The following KRABD3 variants were observed in gnomAD, a reference collection of about 807,000 sequenced individuals.
The protein encoded by KRABD3 is KRAB domain containing 3, also known as KRAB domain-containing protein 3.
the KRABD3 span, chr7:149,730,465 T>TCTGTCCCC: frequency 6.2e-7 from 1 of 1,604,372 alleles, no homozygotes; most frequent in Non-Finnish European, 8.5e-7. Flanking sequence ...CTCCTGTCCC[T>TCTGTCCCC]CTGTCCCCAT....
the KRABD3 span, chr7:149,715,009 G>GCCCGCGCCAGA: frequency 8.2e-7 from 1 of 1,225,044 alleles, no homozygotes; most frequent in African/African-American, 1.6e-5. Flanking sequence ...CCCGCGCCAG[G>GCCCGCGCCAGA]GCCCGCGCCG....
the KRABD3 span, chr7:149,730,561 C>T: frequency 9.9e-6 from 16 of 1,611,556 alleles, no homozygotes; most frequent in African/African-American, 6.7e-5. Flanking sequence ...GCAGCGGCCT[C>T]GGTGCAGGTG....
the KRABD3 span, among the ~76,000 whole-genome samples, chr7:149,717,971 G>A: frequency 1.3e-5 from 2 of 152,088 alleles, no homozygotes. Context: ...GCTAATTTTT[G>A]TATTTTATTA....
At chr7:149,721,680 C>A in the KRABD3 span, 1 of 934,374 alleles carries the variant, frequency 1.1e-6, no homozygotes, top group Non-Finnish European at 1.7e-6. Context: ...ACAAAGTACG[C>A]CAGGGAGCAG....
chr7:149,721,573 T>G, the KRABD3 span: 1 of 1,602,390 alleles, frequency 6.2e-7, no homozygotes, highest in Middle Eastern at 1.7e-4. Flanking sequence ...GAACCAGCAT[T>G]TCAAAAGCCC....
the KRABD3 span, among the ~76,000 whole-genome samples, chr7:149,732,954 GC>G: frequency 4.3e-4 from 65 of 152,294 alleles, 1 homozygote; most frequent in Middle Eastern, 3.4e-3. The surrounding 1 kb of genome is among the most constrained non-coding windows in gnomAD (Gnocchi z 4.0). Context: ...GTTTAGGAAA[GC>G]CTGGTTACCA....
At chr7:149,733,808 G>T in the KRABD3 span, 2 of 1,604,014 alleles carry the variant, frequency 1.2e-6, no homozygotes, top group East Asian at 2.3e-5. Context: ...CCCCCTCCTC[G>T]CACATACCGG....
the KRABD3 span, among the ~76,000 whole-genome samples, chr7:149,720,411 C>A: frequency 6.6e-6 from 1 of 152,250 alleles, no homozygotes; most frequent in Admixed American, 6.5e-5. Context: ...CCTGCTCCAG[C>A]TCCCAAAAGT....
chr7:149,723,522 T>G, the KRABD3 span: 1 of 555,882 alleles, frequency 1.8e-6, no homozygotes. Flanking sequence ...GCCACTTGTC[T>G]GCCTGCAGGG....
At chr7:149,720,963 C>A in the KRABD3 span, 26 of 1,613,726 alleles carry the variant, frequency 1.6e-5, no homozygotes, top group Non-Finnish European at 2.2e-5. Flanking sequence ...GGGAGCCAGC[C>A]TGGATGGAGA....
chr7:149,715,102 T>A, the KRABD3 span: 1 of 1,230,758 alleles, frequency 8.1e-7, no homozygotes, highest in Non-Finnish European at 1.0e-6. Flanking sequence ...CTCGGCGCAG[T>A]GCGGCCCCGA....
the KRABD3 span, chr7:149,733,444 CA>C: frequency 6.3e-7 from 1 of 1,589,106 alleles, no homozygotes; most frequent in Non-Finnish European, 8.6e-7. Flanking sequence ...AAGTGGCCAC[CA>C]TGAGGACCCA....
the KRABD3 span, among the ~76,000 whole-genome samples, chr7:149,727,295 A>G: frequency 6.6e-6 from 1 of 152,202 alleles, no homozygotes; most frequent in Non-Finnish European, 1.5e-5. Flanking sequence ...GGGCCTGTAG[A>G]ACAGGCCTGG....
chr7:149,721,800 C>T, the KRABD3 span: 2 of 638,200 alleles, frequency 3.1e-6, no homozygotes, highest in Admixed American at 4.2e-5. Context: ...CACAGAAAGT[C>T]TCCGGCAGTT....
At chr7:149,733,365 A>C in the KRABD3 span, 2 of 1,611,990 alleles carry the variant, frequency 1.2e-6, no homozygotes, top group African/African-American at 2.7e-5. Flanking sequence ...CAGGAGCTGC[A>C]CAGCCTCGGT....
the KRABD3 span, chr7:149,722,625 G>A: frequency 2.0e-6 from 3 of 1,528,324 alleles, no homozygotes; most frequent in Non-Finnish European, 2.7e-6. Flanking sequence ...AGGTCATGCT[G>A]CTCCGCCGCC....
At chr7:149,715,651 T>C in the KRABD3 span, among the ~76,000 whole-genome samples, 2 of 152,194 alleles carry the variant, frequency 1.3e-5, no homozygotes, top group Non-Finnish European at 2.9e-5. Flanking sequence ...GATGGGCACC[T>C]GGAGCCAGTT....
chr7:149,727,449 G>A, the KRABD3 span, among the ~76,000 whole-genome samples: 1 of 152,222 alleles, frequency 6.6e-6, no homozygotes, highest in Non-Finnish European at 1.5e-5. Flanking sequence ...AAAAGGTTAT[G>A]TAGGGAAAAT....
chr7:149,721,078 C>T, the KRABD3 span: 1 of 1,498,978 alleles, frequency 6.7e-7, no homozygotes, highest in Non-Finnish European at 9.0e-7. Context: ...TGCATGTGGG[C>T]TTGCAGGCAC....
Sources: gnomAD v4.1 joint callset for allele counts (sites outside exome capture counted in the v4.1 genomes callset) on GRCh38, gnomAD v4.1.1 for gene constraint, Gnocchi (gnomAD v3.1) non-coding constraint, MANE v1.5 for transcripts, NCBI Gene and HGNC (gene_info 2026-07-23, HGNC 2026-07-21) for gene names.